KLHL29: variants seen among roughly 807,000 people sequenced by gnomAD.
KLHL29 encodes kelch like family member 29.
In KLHL29, 21 loss-of-function variants were observed where a neutral mutation model predicts 80.4. The observed-to-expected ratio is 0.26, with a 90% CI of 0.19 to 0.38. The LOEUF is 0.38. KLHL29 is among the 10% of genes least tolerant of loss of function. KLHL29 has a pLI of 1.00. For missense variants in KLHL29, 867 were observed against 1,223.9 expected, an observed-to-expected ratio of 0.71 and a Z score of 4.35; for synonymous variants, 511 against 526.8, an observed-to-expected ratio of 0.97 and a Z score of 0.41.
intron 3 of KLHL29, among the ~76,000 whole-genome samples, chr2:23,600,084 T>A (rs919941149): frequency 1.3e-5 from 2 of 152,206 alleles, no homozygotes; most frequent in African/African-American, 2.4e-5. Context: ...CCGCATATGT[T>A]AGCTAGAATG....
At chr2:23,522,927 G>T (rs913231247) in intron 2 of KLHL29, among the ~76,000 whole-genome samples, 3 of 152,218 alleles carry the variant, frequency 2.0e-5, no homozygotes, top group African/African-American at 7.2e-5. Context: ...ACTCGACTTT[G>T]TCAGTGCCCT....
intron 3 of KLHL29, among the ~76,000 whole-genome samples, chr2:23,563,652 C>G (rs1572403510): frequency 6.6e-6 from 1 of 152,154 alleles, no homozygotes; most frequent in South Asian, 2.1e-4. Context: ...GTGTGCTGCG[C>G]CTTTGTCTCC....
intron 5 of KLHL29, among the ~76,000 whole-genome samples, chr2:23,654,782 G>A (rs144265986): frequency 2.0e-5 from 3 of 150,692 alleles, no homozygotes; most frequent in Admixed American, 6.8e-5. Context: ...CCTTGCATCT[G>A]CCCTGAGAGG....
intron 5 of KLHL29, among the ~76,000 whole-genome samples, chr2:23,644,458 A>G (rs892671364): frequency 2.6e-5 from 4 of 152,192 alleles, no homozygotes; most frequent in Non-Finnish European, 4.4e-5. Context: ...GCCACGTTCC[A>G]GGCACGCATC....
At chr2:23,636,318 C>T (rs1669607609) in intron 3 of KLHL29, among the ~76,000 whole-genome samples, 1 of 151,920 alleles carries the variant, frequency 6.6e-6, no homozygotes, top group South Asian at 2.1e-4. Flanking sequence ...ACATAAAATT[C>T]CTGAACTACA....
At chr2:23,670,972 CTCT>C (rs1670718016) in intron 5 of KLHL29, among the ~76,000 whole-genome samples, 1 of 22,506 alleles carries the variant, frequency 4.4e-5, no homozygotes, top group African/African-American at 1.1e-4. Context: ...CTCTCTCTCT[CTCT>C]CTCTCCCTCC....
At chr2:23,641,162 T>C (rs1173769883) in intron 4 of KLHL29, among the ~76,000 whole-genome samples, 3 of 152,144 alleles carry the variant, frequency 2.0e-5, no homozygotes, top group South Asian at 2.1e-4. Flanking sequence ...CCTGTCATGG[T>C]GTCTCCCAGT....
intron 5 of KLHL29, among the ~76,000 whole-genome samples, chr2:23,674,250 C>T (rs1033333873): frequency 3.9e-5 from 6 of 152,118 alleles, no homozygotes; most frequent in South Asian, 4.1e-4. Flanking sequence ...CCCCTCCCCC[C>T]GCCAGTACCT....
At chr2:23,589,500 T>A (rs993600045) in intron 3 of KLHL29, among the ~76,000 whole-genome samples, 5 of 152,164 alleles carry the variant, frequency 3.3e-5, no homozygotes, top group Non-Finnish European at 4.4e-5. Context: ...TTAGCTCCAC[T>A]CCACACTGCT....
intron 2 of KLHL29, among the ~76,000 whole-genome samples, chr2:23,525,408 G>A (rs4471847): frequency 0.029 from 4,460 of 152,338 alleles, 83 homozygotes; most frequent in African/African-American, 0.049. Context: ...GTTCAATGCC[G>A]TCAGTGCCTT....
intron 2 of KLHL29, among the ~76,000 whole-genome samples, chr2:23,502,691 C>T (rs1665488275): frequency 6.6e-6 from 1 of 152,260 alleles, no homozygotes; most frequent in Non-Finnish European, 1.5e-5. Context: ...ACCACTGGGC[C>T]ACTTTGCTGA....
At chr2:23,567,372 GA>G (rs1667612795) in intron 3 of KLHL29, among the ~76,000 whole-genome samples, 1 of 152,190 alleles carries the variant, frequency 6.6e-6, no homozygotes, top group African/African-American at 2.4e-5. Flanking sequence ...CTAAGCCCTT[GA>G]AAATAAATCT....
chr2:23,696,048 C>G lies in KLHL29; in HGVS notation c.1839C>G (p.Asn613Lys), dbSNP rs1180938697. ...TCACCTGCTGGAACCCGCAGAACAACAAGTGGTACCCCTTGGCCTCGCTGC... is the reference window on the plus strand; with the variant it reads ...TCACCTGCTGGAACCCGCAGAACAAGAAGTGGTACCCCTTGGCCTCGCTGC... ...VAVTCWNPQN[N>K]KWYPLASLPF... The change falls in exon 10 of 14, where the codon AAC (asparagine) becomes AAG (lysine). Residue 613 changes from asparagine (N) to lysine (K), a missense_variant. Coordinates refer to ENST00000486442, the MANE Select transcript of KLHL29 (RefSeq NM_052920.2). The surrounding 1 kb of genome is among the most constrained non-coding windows in gnomAD (Gnocchi z 5.5). 3 of 1,551,796 alleles carry G rather than the reference C, an allele frequency of 1.9e-6. No individual in the cohort carries two copies. The highest frequency in any genetic ancestry group is 8.7e-7 in the Non-Finnish European group (1 of 1,146,998).
intron 4 of KLHL29, among the ~76,000 whole-genome samples, chr2:23,640,026 T>C (rs988663877): frequency 1.3e-5 from 2 of 152,164 alleles, no homozygotes; most frequent in African/African-American, 4.8e-5. Flanking sequence ...TCAGCACCTC[T>C]GGTCTCATCA....
rs941879532 is a variant in KLHL29, at chr2:23,596,359, C to A, written c.285+33878C>A. 1.3e-5 allele frequency among the ~76,000 whole-genome samples: 2 copies of A among 152,174 alleles called. No homozygotes were observed. Among genetic ancestry groups the A allele is most frequent in the Non-Finnish European group, 1.5e-5 (1 of 68,026 alleles). ...TCCAGGCTTCAGCTACCAACACGCC[C>A]CTATGAGTCTCTGTCTCCGAGCAGA... On this transcript the variant is annotated intron_variant, in intron 3 of 13. Coordinates refer to ENST00000486442, the MANE Select transcript of KLHL29 (RefSeq NM_052920.2). This position sits in a 1 kb window ranked among gnomAD's most constrained non-coding sequence, Gnocchi z 4.4.
At position 23,433,094 on chromosome 2, in the gene KLHL29, C is replaced by T. The variant is rs150508759; in HGVS notation, c.-153-42466C>T. ...ATAAAGGGAGGGGAGCACCTCCTGC[C>T]GTCTGGCCGGTGCCCCTTCTGGTGG... is the stretch of plus-strand genomic sequence containing the variant. On this transcript the variant is annotated intron_variant, in intron 1 of 13. Coordinates refer to ENST00000486442, the MANE Select transcript of KLHL29 (RefSeq NM_052920.2). Among the ~76,000 whole-genome samples, 35 of 152,292 alleles carry T rather than the reference C, an allele frequency of 2.3e-4. No individual in the cohort carries two copies. In the East Asian group the frequency reaches 4.8e-3, roughly 21 times the overall value.
chr2:23,644,580 C>A (rs190201376), intron 5 of KLHL29, among the ~76,000 whole-genome samples: 8 of 152,372 alleles, frequency 5.3e-5, no homozygotes, highest in Non-Finnish European at 1.0e-4. Flanking sequence ...CTGCTGGGTG[C>A]AGGCAGCTAA....
intron 5 of KLHL29, among the ~76,000 whole-genome samples, chr2:23,678,419 G>C (rs570848119): frequency 6.6e-6 from 1 of 152,130 alleles, no homozygotes; most frequent in Non-Finnish European, 1.5e-5. Context: ...CTCACTCTCC[G>C]GGGACCCCTG....
At chr2:23,509,691 G>A (rs1665712273) in intron 2 of KLHL29, among the ~76,000 whole-genome samples, 1 of 152,146 alleles carries the variant, frequency 6.6e-6, no homozygotes, top group Non-Finnish European at 1.5e-5. Context: ...TCAGCCCTAA[G>A]AATCTTATAG....
Sources: gnomAD v4.1 joint callset for allele counts (sites outside exome capture counted in the v4.1 genomes callset) on GRCh38, gnomAD v4.1.1 for gene constraint, Gnocchi (gnomAD v3.1) non-coding constraint, MANE v1.5 for transcripts, NCBI Gene and HGNC (gene_info 2026-07-23, HGNC 2026-07-21) for gene names.